The following TNIP2 variants were observed in gnomAD, a reference collection of about 807,000 sequenced individuals.
TNIP2 encodes TNFAIP3-interacting protein 2.
TNIP2 carries 30 observed loss-of-function variants against 43.7 expected under a neutral mutation model. That is an observed-to-expected ratio of 0.69 (90% CI 0.51 to 0.93). TNIP2 has a LOEUF of 0.93. Ranked by LOEUF, TNIP2 falls within the 40% of genes least tolerant of loss-of-function variation. TNIP2 has a pLI of 0.00. For synonymous variants in TNIP2, 260 were observed against 254.6 expected (o/e 1.02, Z -0.20); for missense variants, 599 against 591.0 (o/e 1.01, Z -0.14).
Position 2,755,994 on chromosome 4 carries a change from T to C in TNIP2, c.276+20A>G. 1 of 1,533,544 alleles carries C rather than the reference T, an allele frequency of 6.5e-7. No homozygotes were observed. The allele number at this position is 1,533,544 out of a possible 1,614,324, so 95.0% of individuals were successfully genotyped here. A position where few individuals can be genotyped will look rare whatever the true frequency, so the allele number is the denominator to read the frequency against. On this transcript the variant is annotated intron_variant, in intron 1 of 5. Coordinates refer to ENST00000315423, the MANE Select transcript of TNIP2 (RefSeq NM_024309.4). The stretch of plus-strand genomic sequence containing the variant: ...CACGCACTCTCGCTCCCGCAGCTCC[T>C]CTGGTACCCGCCCTCGTACCTGGCG...
chr4:2,750,427 TATTATTTTA>T (rs1483220109), intron 1 of TNIP2, among the ~76,000 whole-genome samples: 3 of 148,026 alleles, frequency 2.0e-5, no homozygotes, highest in East Asian at 2.0e-4. Flanking sequence ...TTATTATTAT[TATTATTTTA>T]TTATTTTAGA....
In TNIP2 at chr4:2,743,031, T is replaced by C. The variant is rs148502979; in HGVS notation, c.1027-511A>G. On this transcript the variant is annotated intron_variant, in intron 5 of 5. Transcript: ENST00000315423. Reference sequence around the variant, plus strand: ...CAACCACCTGGCATGATCTGGCACATGTTCTCCAAACATCCGTCCTGAAGC... The same window carrying C: ...CAACCACCTGGCATGATCTGGCACACGTTCTCCAAACATCCGTCCTGAAGC... Among the ~76,000 whole-genome samples the C allele has an allele frequency of 1.2e-3, 188 of 152,282 alleles. 5 individuals carry two copies. The East Asian group carries it at 0.03, about 24-fold the overall frequency.
At chr4:2,745,035 A>G (rs1721908138) in intron 3 of TNIP2, 90 bp from the exon 4 acceptor site, 1 of 1,483,090 alleles carries the variant, frequency 6.7e-7, no homozygotes, top group Non-Finnish European at 9.0e-7. Flanking sequence ...ATTAGCAGTG[A>G]TTCGCTGAGT....
At position 2,756,157 on chromosome 4, in the gene TNIP2, T is replaced by G; in HGVS notation, c.133A>C (p.Ile45Leu). 4 of 1,477,074 alleles carry G rather than the reference T, an allele frequency of 2.7e-6. No homozygotes were observed. Among genetic ancestry groups the G allele is most frequent in the Non-Finnish European group, 3.6e-6 (4 of 1,121,976 alleles). The allele number at this position is 1,477,074 out of a possible 1,614,324, so 91.5% of individuals were successfully genotyped here. Residue 45 changes from isoleucine (I) to leucine (L), a missense_variant, in exon 1 of 6, where the codon ATC becomes CTC. Transcript: ENST00000315423. The stretch of plus-strand genomic sequence containing the variant: ...GCCAGGCGGGCGCGGAGGCGAGCGA[T>G]GAGGGCGTCGCGGGCAGCGAGCTGG... ...QDQLAARDAL[I>L]ARLRARLAAL...
intron 1 of TNIP2, among the ~76,000 whole-genome samples, chr4:2,752,481 C>T (rs577325458): frequency 4.6e-5 from 7 of 152,346 alleles, no homozygotes; most frequent in African/African-American, 1.4e-4. Context: ...TGATCACAGA[C>T]GCACTGGTCA....
At chr4:2,754,608 G>T (rs1722181991) in intron 1 of TNIP2, among the ~76,000 whole-genome samples, 1 of 152,192 alleles carries the variant, frequency 6.6e-6, no homozygotes, top group Non-Finnish European at 1.5e-5. Context: ...AGTAGAGATG[G>T]GTTTTCACCA....
At position 2,742,072 on chromosome 4, in the gene TNIP2, G is replaced by A; in HGVS notation, c.*185C>T. 2.0e-6 allele frequency: 1 copy of A among 494,320 alleles called. No homozygotes were observed. Among genetic ancestry groups the A allele is most frequent in the Non-Finnish European group, 3.2e-6 (1 of 310,070 alleles). 30.6% of individuals were successfully genotyped at this position (494,320 alleles called of 1,614,324 possible). On this transcript the variant is annotated 3_prime_UTR_variant, in exon 6 of 6. Coordinates refer to ENST00000315423, the MANE Select transcript of TNIP2 (RefSeq NM_024309.4). ...CCTCCAGCCTCCAGCCTCACTGGCA[G>A]TTCCCTGTGACCCAGCCTGTTCCAT...
chr4:2,754,637 C>G (rs1722183052), intron 1 of TNIP2, among the ~76,000 whole-genome samples: 1 of 152,260 alleles, frequency 6.6e-6, no homozygotes, highest in Non-Finnish European at 1.5e-5. Context: ...AGGATGGTCT[C>G]AATCTCCTGA....
rs111577559 is a variant in TNIP2 at position 2,756,034 on chromosome 4, C to T, written c.256G>A (p.Ala86Thr). 3.9e-6 allele frequency: 6 copies of T among 1,548,554 alleles called. No homozygotes were observed. The African/African-American group carries it at 8.5e-5, about 22-fold the overall frequency. Residue 86 changes from alanine (A) to threonine (T), a missense_variant, in exon 1 of 6, where the codon GCC (alanine) becomes ACC (threonine). Coordinates refer to ENST00000315423, the MANE Select transcript of TNIP2 (RefSeq NM_024309.4). Reference sequence around the variant, plus strand: ...CGTACCTGGCGCATCTGGGCCTCGGCGGCGCCGCCCTCCTGCCTTCGCAGC... The same window carrying T: ...CGTACCTGGCGCATCTGGGCCTCGGTGGCGCCGCCCTCCTGCCTTCGCAGC... ...EQLRRQEGGAAEAQMRQEIER... is the reference protein window; with the variant it reads ...EQLRRQEGGATEAQMRQEIER...
rs370692223 is a variant in TNIP2, at chr4:2,744,557, CA to C, written c.907-52del. 12 of 1,610,670 alleles carry C rather than the reference CA, an allele frequency of 7.5e-6. No individual in the cohort carries two copies. Among genetic ancestry groups the C allele is most frequent in the African/African-American group, 2.7e-5 (2 of 74,910 alleles). ...CTGCTCAAGGAAGGAGGAAGCGCCC[CA>C]CCAGGCTTCTCCCACCCCCACAGTG... On this transcript the variant is annotated intron_variant, in intron 4 of 5. Coordinates refer to ENST00000315423, the MANE Select transcript of TNIP2 (RefSeq NM_024309.4). The surrounding 1 kb of genome is among the most constrained non-coding windows in gnomAD (Gnocchi z 5.1).
intron 1 of TNIP2, among the ~76,000 whole-genome samples, chr4:2,753,806 C>G (rs1013151097): frequency 6.6e-6 from 1 of 152,200 alleles, no homozygotes; most frequent in African/African-American, 2.4e-5. Context: ...TCTAAACTTC[C>G]CTTCTGCTCT....
chr4:2,749,141 A>C (rs1722039789), intron 1 of TNIP2, among the ~76,000 whole-genome samples: 1 of 152,070 alleles, frequency 6.6e-6, no homozygotes, highest in South Asian at 2.1e-4. Context: ...ATATCATCAA[A>C]ATGTTTTTTT....
intron 1 of TNIP2, among the ~76,000 whole-genome samples, chr4:2,754,890 T>C (rs1474392069): frequency 6.6e-6 from 1 of 152,204 alleles, no homozygotes; most frequent in Non-Finnish European, 1.5e-5. Context: ...CATGCCCGGC[T>C]AATTTTTTGC....
At chr4:2,742,638 C>A in intron 5 of TNIP2, 118 bp from the exon 6 acceptor site, 2 of 1,157,252 alleles carry the variant, frequency 1.7e-6, no homozygotes, top group South Asian at 1.8e-5. Flanking sequence ...CAGCCCCTCA[C>A]TTTGCTTCCT....
chr4:2,747,532 C>A (rs1480112338), intron 2 of TNIP2, 123 bp downstream of exon 2: 3 of 980,222 alleles, frequency 3.1e-6, no homozygotes, highest in Non-Finnish European at 4.6e-6. Context: ...CGTCAGCTGA[C>A]TCTCGTTACT....
At chr4:2,745,605 A>C (rs748509223) in intron 2 of TNIP2, 70 bp from the exon 3 acceptor site, 11 of 1,070,886 alleles carry the variant, frequency 1.0e-5, no homozygotes, top group African/African-American at 3.1e-5. Flanking sequence ...CTAGACCCAG[A>C]GGCTGAGGCC....
rs1395280193 is a variant in TNIP2, at chr4:2,744,766, C to T, written c.837G>A (p.Lys279=). ...CCGTCCTGGAGGCCGCCAGCTCCTG[C>T]TTCACTTCGGCACAGTCATTTATTT... ...EEKINDCAEV[K]QELAASRTAR... is the part of the protein sequence containing the mutation. Residue 279 remains lysine (K), a synonymous_variant, in exon 4 of 6, where the codon AAG becomes AAA. Coordinates refer to ENST00000315423, the MANE Select transcript of TNIP2 (RefSeq NM_024309.4). The surrounding 1 kb of genome is among the most constrained non-coding windows in gnomAD (Gnocchi z 5.1). 6.2e-7 allele frequency: 1 copy of T among 1,610,838 alleles called. No homozygotes were observed. Among genetic ancestry groups the T allele is most frequent in the East Asian group, 2.2e-5 (1 of 44,894 alleles).
chr4:2,742,295 C>A lies in TNIP2; in HGVS notation c.1252G>T (p.Glu418Ter). The change falls in exon 6 of 6, where the codon GAA (glutamate) becomes TAA (stop). Residue 418 changes from glutamate (E) to a stop codon, truncating the protein, a stop_gained. Transcript: ENST00000315423. LOFTEE classifies it high-confidence loss of function. ...TCAGCCACATGCCTGAGGAGCTCTT[C>A]CCCTTGCTCGTCACTGAAGCACTGC... is the stretch of plus-strand genomic sequence containing the variant. The part of the protein sequence containing the change: ...CLQCFSDEQG[E>*]ELLRHVAECC... The A allele has an allele frequency of 6.6e-7, 1 of 1,516,890 alleles. No individual in the cohort carries two copies. The highest frequency in any genetic ancestry group is 8.9e-7 in the Non-Finnish European group (1 of 1,128,008). The allele number at this position is 1,516,890 out of a possible 1,614,324, so 94.0% of individuals were successfully genotyped here.
intron 5 of TNIP2, 32 bp from the exon 6 acceptor site, chr4:2,742,552 G>C: frequency 6.7e-7 from 1 of 1,491,054 alleles, no homozygotes; most frequent in Non-Finnish European, 9.0e-7. Context: ...ATATACGTGG[G>C]CTGTGCTGAC....
Sources: allele counts gnomAD v4.1 joint callset (sites outside exome capture counted in the v4.1 genomes callset), GRCh38; gene constraint gnomAD v4.1.1; non-coding constraint Gnocchi (gnomAD v3.1); transcripts MANE v1.5; gene names NCBI Gene and HGNC (gene_info 2026-07-23, HGNC 2026-07-21).